Variants in BACH1 observed in about 807,000 individuals in gnomAD.
The protein encoded by BACH1 is BTB domain and CNC homolog 1, also known as transcription regulator protein BACH1.
A neutral mutation model predicts 52.9 loss-of-function variants in BACH1; 35 were observed. The ratio of observed to expected loss-of-function variants is 0.66; its 90% CI spans 0.51 to 0.88. The LOEUF is 0.88. Ranked by LOEUF, BACH1 falls within the 40% of genes least tolerant of loss-of-function variation. The pLI is 0.00. For synonymous variants in BACH1, 321 were observed against 319.6 expected, an observed-to-expected ratio of 1.00 and a Z score of -0.05; for missense variants, 808 against 872.6, an observed-to-expected ratio of 0.93 and a Z score of 0.93.
rs1304948593 is a variant in BACH1 at position 29,343,863 on chromosome 21, T to C, written c.*1030T>C. ...CACTTGTAAAAATGATTGTAACAGA[T>C]AAAAAATGTATCTGCAGCAACTCTG... is the stretch of plus-strand genomic sequence containing the variant. On this transcript the variant is annotated 3_prime_UTR_variant, in exon 5 of 5. Transcript: ENST00000286800. 6.6e-6 allele frequency: 1 copy of C among 152,218 alleles called. No individual in the cohort carries two copies. The highest frequency in any genetic ancestry group is 1.5e-5 in the Non-Finnish European group (1 of 68,024). 9.4% of individuals were successfully genotyped at this position (152,218 alleles called of 1,614,324 possible).
chr21:29,304,586 C>T (rs773544218), intron 1 of BACH1, among the ~76,000 whole-genome samples: 3 of 152,160 alleles, frequency 2.0e-5, no homozygotes, highest in Non-Finnish European at 4.4e-5. Flanking sequence ...GTAGCCTGGA[C>T]ATTAGTAATA....
chr21:29,351,259 G>A (rs1435677299), intron 2 of BACH1, among the ~76,000 whole-genome samples: 1 of 152,162 alleles, frequency 6.6e-6, no homozygotes, highest in African/African-American at 2.4e-5. Flanking sequence ...CCCATGTGAT[G>A]TGAATCTCTT....
chr21:29,353,179 G>C (rs1273043782), intron 2 of BACH1, among the ~76,000 whole-genome samples: 2 of 152,302 alleles, frequency 1.3e-5, no homozygotes, highest in East Asian at 3.9e-4. Flanking sequence ...GCAATGGAAG[G>C]CCTCACTGAG....
chr21:29,358,954 G>A (rs2089255450), intron 2 of BACH1: 1 of 151,982 alleles, frequency 6.6e-6, no homozygotes, highest in African/African-American at 2.4e-5. Context: ...ATGCTTTGGG[G>A]AAGCAGTTTG....
chr21:29,301,953 C>T (rs2088608453), intron 1 of BACH1, among the ~76,000 whole-genome samples: 1 of 152,070 alleles, frequency 6.6e-6, no homozygotes, highest in Admixed American at 6.6e-5. Flanking sequence ...ATCTCATGTG[C>T]CATGTGCCTT....
chr21:29,304,166 C>T (rs2088630498), intron 1 of BACH1, among the ~76,000 whole-genome samples: 1 of 147,680 alleles, frequency 6.8e-6, no homozygotes, highest in African/African-American at 2.5e-5. Context: ...CACTCTGTCG[C>T]TCAGGCTGGA....
chr21:29,299,630 G>A (rs992254048), intron 1 of BACH1: 3 of 152,244 alleles, frequency 2.0e-5, no homozygotes, highest in Non-Finnish European at 2.9e-5. Flanking sequence ...GGAGACACCA[G>A]CTTTGTGCTC....
intron 2 of BACH1, among the ~76,000 whole-genome samples, chr21:29,355,270 T>G (rs2089226931): frequency 6.6e-6 from 1 of 152,070 alleles, no homozygotes; most frequent in Admixed American, 6.6e-5. Context: ...TACAGAGGGC[T>G]GTTTGGTGCG....
At chr21:29,337,427 T>C (rs1463978178) in intron 4 of BACH1, among the ~76,000 whole-genome samples, 1 of 152,226 alleles carries the variant, frequency 6.6e-6, no homozygotes, top group East Asian at 1.9e-4. Context: ...ATCCTGAGTT[T>C]ATGTAGTATT....
intron 1 of BACH1, among the ~76,000 whole-genome samples, chr21:29,301,524 T>C (rs1245293145): frequency 6.6e-6 from 1 of 152,230 alleles, no homozygotes; most frequent in African/African-American, 2.4e-5. Flanking sequence ...TGTTTTACTT[T>C]AGAAGCTTGA....
chr21:29,329,841 A>G (rs2088960494), intron 4 of BACH1, 148 bp downstream of exon 4: 7 of 612,558 alleles, frequency 1.1e-5, no homozygotes, highest in Non-Finnish European at 1.8e-5. Flanking sequence ...TTACCATGAT[A>G]TGCTGTGATA....
intron 1 of BACH1, among the ~76,000 whole-genome samples, chr21:29,315,504 C>T (rs1289900953): frequency 2.6e-5 from 4 of 152,068 alleles, no homozygotes; most frequent in African/African-American, 7.2e-5. Context: ...ACTAGAAATG[C>T]GAGAAGGCAG....
rs1290234153 is a variant in BACH1 at position 29,343,126 on chromosome 21, T to A, written c.*293T>A. On this transcript the variant is annotated 3_prime_UTR_variant, in exon 5 of 5. Transcript: ENST00000286800. ...TAATAACTCTTCCTGCTATTCAGAA[T>A]AAGTAGGAGAATGAAAACTGCAGCA... 1 of 207,806 alleles carries A rather than the reference T, an allele frequency of 4.8e-6. No individual in the cohort carries two copies. The highest frequency in any genetic ancestry group is 2.3e-5 in the African/African-American group (1 of 43,620). 12.9% of individuals were successfully genotyped at this position (207,806 alleles called of 1,614,324 possible).
intron 2 of BACH1, chr21:29,359,520 A>C (rs2089258587): frequency 1.3e-5 from 2 of 151,468 alleles, no homozygotes; most frequent in African/African-American, 4.9e-5. Flanking sequence ...TTGAGACAAT[A>C]ACCACCACCA....
chr21:29,301,105 A>G (rs1168841086), intron 1 of BACH1, among the ~76,000 whole-genome samples: 2 of 152,212 alleles, frequency 1.3e-5, no homozygotes, highest in Admixed American at 1.3e-4. Flanking sequence ...TATTAATGGT[A>G]GTTCATTTAA....
intron 2 of BACH1, chr21:29,361,410 A>T (rs916808304): frequency 6.6e-6 from 1 of 152,190 alleles, no homozygotes; most frequent in Non-Finnish European, 1.5e-5. Context: ...TAACAAGGGG[A>T]AAGAGCCGTA....
chr21:29,358,550 G>A lies in BACH1; in HGVS notation c.472+28857G>A, dbSNP rs2089248599. Among the ~76,000 whole-genome samples, 4 of 152,034 alleles carry A rather than the reference G, an allele frequency of 2.6e-5. 1 individual carries two copies. The highest frequency in any genetic ancestry group is 9.7e-5 in the African/African-American group (4 of 41,388). ...AGATCAGGAGTTCAAGACCAGCCTG[G>A]CCAACATGGTGAAACCCCATCTCTA... On this transcript the variant is annotated intron_variant, in intron 2 of 4. Transcript: ENST00000422809.
intron 4 of BACH1, among the ~76,000 whole-genome samples, chr21:29,338,964 A>T (rs1312440504): frequency 6.6e-6 from 1 of 152,160 alleles, no homozygotes; most frequent in Non-Finnish European, 1.5e-5. Context: ...ATTTATAGGA[A>T]ATATTTTTTC....
chr21:29,301,386 A>C (rs764250834), intron 1 of BACH1, among the ~76,000 whole-genome samples: 1 of 152,242 alleles, frequency 6.6e-6, no homozygotes, highest in East Asian at 1.9e-4. Context: ...CCTGTTAACC[A>C]CTGTCAGTAA....
Sources: gnomAD v4.1 joint callset for allele counts (sites outside exome capture counted in the v4.1 genomes callset) on GRCh38, gnomAD v4.1.1 for gene constraint, MANE v1.5 for transcripts, NCBI Gene and HGNC (gene_info 2026-07-23, HGNC 2026-07-21) for gene names.